Variants in LHX8 observed in about 807,000 individuals in gnomAD.
LHX8 encodes LIM homeobox 8.
In LHX8, 12 loss-of-function variants were observed where a neutral mutation model predicts 40.3. That is an observed-to-expected ratio of 0.30 (90% CI 0.19 to 0.48). The LOEUF (loss-of-function observed/expected upper bound fraction) is 0.48, where lower values mean the gene tolerates loss of function less well. Among genes scored for constraint, LHX8 ranks in the 20% least tolerant of loss-of-function variants. The pLI, the probability that LHX8 is intolerant of heterozygous loss-of-function variation, is 0.99. For synonymous variants in LHX8, 179 were observed against 162.0 expected, an observed-to-expected ratio of 1.10 and a Z score of -0.80; for missense variants, 344 against 433.7, an observed-to-expected ratio of 0.79 and a Z score of 1.84.
the LHX8 span, among the ~76,000 whole-genome samples, chr1:75,196,295 T>G: frequency 3.3e-5 from 5 of 152,054 alleles, no homozygotes; most frequent in Admixed American, 2.0e-4. Flanking sequence ...CAATTCCAGG[T>G]GAGAAAAGTT....
rs948066616 is a variant in LHX8 at position 75,136,634 on chromosome 1, G to C, written c.20G>C (p.Arg7Pro). The C allele has an allele frequency of 3.6e-5, 56 of 1,549,740 alleles. No homozygotes were observed. Among genetic ancestry groups the C allele is most frequent in the Non-Finnish European group, 4.6e-5 (53 of 1,146,756 alleles). Reference protein sequence around the residue: MSEECGRTTALAAGRTR... With the variant: MSEECGPTTALAAGRTR... ...GGGCTCATGTCAGAGGAGTGCGGGC[G>C]GACTACAGCCCTGGCGGCCGGGAGG... Residue 7 changes from arginine (R) to proline (P), a missense_variant, in exon 2 of 9, where the codon CGG becomes CCG. Physicochemically the swap from Arg to Pro is moderately radical, Grantham distance 103 (BLOSUM62 -2). Around this residue, in one of 3 missense-constraint regions of LHX8, gnomAD observed 108 missense variants for 90.1 expected, o/e 1.20. Transcript: ENST00000356261.
chr1:75,140,084 A>C (rs937420969), intron 3 of LHX8, among the ~76,000 whole-genome samples: 1 of 152,228 alleles, frequency 6.6e-6, no homozygotes, highest in African/African-American at 2.4e-5. Flanking sequence ...AGTTCTATCT[A>C]ATACACATCT....
rs372728261 is a variant in LHX8 at position 75,147,841 on chromosome 1, C to T, written c.685-746C>T. ...TTCTGGTACTCTCTCCCACACTACT[C>T]TTCTCCCTTTATCTTTTATTATAGG... On this transcript the variant is annotated intron_variant, in intron 6 of 8. Coordinates refer to ENST00000356261, the MANE Select transcript of LHX8 (RefSeq NM_001256114.2). Among the ~76,000 whole-genome samples, 333 of 152,328 alleles carry T rather than the reference C, an allele frequency of 2.2e-3. 17 individuals carry two copies. In the South Asian group the frequency reaches 0.063, roughly 29 times the overall value.
chr1:75,131,602 C>T (rs1026662314), upstream of LHX8: 2 of 152,220 alleles, frequency 1.3e-5, no homozygotes, highest in Admixed American at 6.5e-5. Flanking sequence ...TGCTCGCAGC[C>T]CAATTAGGCA....
chr1:75,161,759 A>G (rs968732395), downstream of LHX8, among the ~76,000 whole-genome samples: 6 of 152,220 alleles, frequency 3.9e-5, no homozygotes, highest in South Asian at 2.1e-4. Flanking sequence ...AAGGCAGAAC[A>G]CTTTTCAGAA....
At position 75,156,881 on chromosome 1, in the gene LHX8, C is replaced by A. The variant is rs768890205; in HGVS notation, c.781-12C>A. On this transcript the variant is annotated splice_polypyrimidine_tract_variant and intron_variant, in intron 7 of 8. Coordinates refer to ENST00000356261, the MANE Select transcript of LHX8 (RefSeq NM_001256114.2). The stretch of plus-strand genomic sequence containing the variant: ...TAACCTACCTACTTCTGTTGCTTTT[C>A]TCCCTGCTCAGGTGTGGTTTCAGAA... 3.7e-6 allele frequency: 6 copies of A among 1,614,104 alleles called. No homozygotes were observed. Among genetic ancestry groups the A allele is most frequent in the Non-Finnish European group, 8.5e-7 (1 of 1,179,948 alleles).
intron 7 of LHX8, among the ~76,000 whole-genome samples, chr1:75,156,210 TTTG>T (rs71917165): frequency 0.47 from 70,659 of 148,850 alleles, 18,071 homozygotes; most frequent in African/African-American, 0.66. Context: ...TTGTTTGGGC[TTTG>T]TTGTTGTTGT....
chr1:75,175,994 C>A, the LHX8 span, among the ~76,000 whole-genome samples: 1 of 152,214 alleles, frequency 6.6e-6, no homozygotes, highest in East Asian at 1.9e-4. Flanking sequence ...CTACAAAGGA[C>A]ATGAACTCAT....
At chr1:75,133,826 A>G (rs1648038575), upstream of LHX8, among the ~76,000 whole-genome samples, 1 of 152,186 alleles carries the variant, frequency 6.6e-6, no homozygotes, top group Non-Finnish European at 1.5e-5. Context: ...TCTTTCTTGT[A>G]GCCTTGATTT....
At chr1:75,179,506 TTTTTTTTTTTTTTTTTC>T in the LHX8 span, among the ~76,000 whole-genome samples, 3 of 146,468 alleles carry the variant, frequency 2.0e-5, no homozygotes, top group Non-Finnish European at 4.5e-5. Context: ...CCTGTTGTTT[TTTTTTTTTTTTTTTTTC>T]TGCTTTCCAT....
Position 75,143,848 on chromosome 1 carries a change from A to G in LHX8, c.584A>G (p.Asn195Ser), listed in dbSNP as rs1255473604. Reference sequence around the variant, plus strand: ...ATAGTGTGTTTTTTAAATGCAGGGAATGGGATTAGTGTGGAAGGTGCCCTC... The same window carrying G: ...ATAGTGTGTTTTTTAAATGCAGGGAGTGGGATTAGTGTGGAAGGTGCCCTC... ...DNLKREVENGNGISVEGALLT... is the reference protein window; with the variant it reads ...DNLKREVENGSGISVEGALLT... The change falls in exon 6 of 9, where the codon AAT (asparagine) becomes AGT (serine). Residue 195 changes from asparagine (N) to serine (S), a missense_variant. Around this residue, in one of 3 missense-constraint regions of LHX8, gnomAD observed 147 missense variants for 250.8 expected, o/e 0.59. Transcript: ENST00000356261. 9 of 1,611,306 alleles carry G rather than the reference A, an allele frequency of 5.6e-6. No homozygotes were observed. The East Asian group carries it at 1.6e-4, about 28-fold the overall frequency.
chr1:75,134,153 C>G (rs1648045798), upstream of LHX8, among the ~76,000 whole-genome samples: 1 of 152,026 alleles, frequency 6.6e-6, no homozygotes. Context: ...TTTTTAAAGT[C>G]AAGTTAACAG....
At chr1:75,176,514 G>A in the LHX8 span, among the ~76,000 whole-genome samples, 1 of 152,078 alleles carries the variant, frequency 6.6e-6, no homozygotes, top group African/African-American at 2.4e-5. Context: ...CTTTTTGATG[G>A]GGTCCTTTGA....
chr1:75,145,616 A>G (rs1395999691), intron 6 of LHX8, among the ~76,000 whole-genome samples: 2 of 152,244 alleles, frequency 1.3e-5, no homozygotes, highest in East Asian at 3.9e-4. Flanking sequence ...CCTCAAAGCA[A>G]ACCACCAAGG....
At chr1:75,141,759 T>C (rs916366858) in intron 4 of LHX8, among the ~76,000 whole-genome samples, 5 of 152,178 alleles carry the variant, frequency 3.3e-5, no homozygotes, top group Non-Finnish European at 4.4e-5. Context: ...GTATGAACAG[T>C]TGTGTAGAAA....
At chr1:75,188,538 C>T in the LHX8 span, among the ~76,000 whole-genome samples, 1 of 152,178 alleles carries the variant, frequency 6.6e-6, no homozygotes, top group Non-Finnish European at 1.5e-5. Flanking sequence ...CTTCACAGTT[C>T]TCTCTCTTGG....
At chr1:75,180,171 G>A in the LHX8 span, among the ~76,000 whole-genome samples, 4 of 151,980 alleles carry the variant, frequency 2.6e-5, no homozygotes, top group Non-Finnish European at 4.4e-5. Context: ...ATGTGTCTTG[G>A]GGTTGCTCTT....
At chr1:75,185,445 A>C in the LHX8 span, among the ~76,000 whole-genome samples, 22 of 152,322 alleles carry the variant, frequency 1.4e-4, no homozygotes, top group East Asian at 1.7e-3. Flanking sequence ...AAATTGGCCC[A>C]AGATATGCAA....
At chr1:75,173,912 A>G in the LHX8 span, among the ~76,000 whole-genome samples, 12 of 152,192 alleles carry the variant, frequency 7.9e-5, no homozygotes, top group Non-Finnish European at 1.8e-4. Context: ...TCAAATCTGA[A>G]AATTCAAAAT....
Sources: allele counts gnomAD v4.1 joint callset (sites outside exome capture counted in the v4.1 genomes callset), GRCh38; gene constraint gnomAD v4.1.1; regional missense constraint gnomAD v4.1.1; transcripts MANE v1.5; gene names NCBI Gene and HGNC (gene_info 2026-07-23, HGNC 2026-07-21).